NHSL3: variants seen among roughly 807,000 people sequenced by gnomAD.
NHSL3 encodes NHS-like protein 3.
chr1:32,771,870 G>A, the NHSL3 span: 1 of 1,596,106 alleles, frequency 6.3e-7, no homozygotes, highest in South Asian at 1.1e-5. Flanking sequence ...CTCCAGGAGG[G>A]GCTCCCACCC....
the NHSL3 span, among the ~76,000 whole-genome samples, chr1:32,762,341 C>T: frequency 2.6e-5 from 4 of 152,054 alleles, no homozygotes; most frequent in East Asian, 3.9e-4. Flanking sequence ...TCCTTAGGCA[C>T]GGCTGGTGGG....
At chr1:32,751,468 A>G in the NHSL3 span, among the ~76,000 whole-genome samples, 2 of 152,050 alleles carry the variant, frequency 1.3e-5, no homozygotes, top group African/African-American at 4.8e-5. Flanking sequence ...TCAGACAATC[A>G]CTGCTCTTCA....
chr1:32,762,978 AT>A, the NHSL3 span, among the ~76,000 whole-genome samples: 722 of 126,152 alleles, frequency 5.7e-3, 3 homozygotes, highest in Middle Eastern at 8.8e-3. Flanking sequence ...CTAGCCTGGA[AT>A]TTTTTTTTTT....
At chr1:32,770,916 G>A in the NHSL3 span, 24 of 1,610,838 alleles carry the variant, frequency 1.5e-5, no homozygotes, top group Middle Eastern at 5.0e-4. The surrounding 1 kb of genome is among the most constrained non-coding windows in gnomAD (Gnocchi z 8.3). Flanking sequence ...GGACACTTTC[G>A]CCCTCCAGTG....
chr1:32,769,936 GC>G, the NHSL3 span: 1 of 1,607,556 alleles, frequency 6.2e-7, no homozygotes. Flanking sequence ...TGCACGGGAT[GC>G]CGTACGCATC....
At chr1:32,742,940 T>G in the NHSL3 span, among the ~76,000 whole-genome samples, 2 of 152,078 alleles carry the variant, frequency 1.3e-5, no homozygotes, top group African/African-American at 4.8e-5. Flanking sequence ...GGTGGGTACT[T>G]AAAATTCAAC....
chr1:32,764,739 C>T, the NHSL3 span, among the ~76,000 whole-genome samples: 4 of 152,334 alleles, frequency 2.6e-5, no homozygotes, highest in South Asian at 8.3e-4. Flanking sequence ...TCCCAAAATG[C>T]TGGGATTACA....
At chr1:32,759,516 ACTGC>A in the NHSL3 span, among the ~76,000 whole-genome samples, 2 of 152,176 alleles carry the variant, frequency 1.3e-5, no homozygotes, top group Non-Finnish European at 2.9e-5. Flanking sequence ...TCCGTGCACT[ACTGC>A]CTGTTCCCCC....
At chr1:32,756,206 T>C in the NHSL3 span, among the ~76,000 whole-genome samples, 3 of 152,200 alleles carry the variant, frequency 2.0e-5, no homozygotes, top group Non-Finnish European at 4.4e-5. Context: ...AAAAGCCTTC[T>C]GGGTTGGGGT....
chr1:32,770,730 G>T, the NHSL3 span: 4 of 1,553,922 alleles, frequency 2.6e-6, no homozygotes, highest in Non-Finnish European at 3.5e-6. The surrounding 1 kb of genome is among the most constrained non-coding windows in gnomAD (Gnocchi z 8.3). Context: ...TGCCTGATGG[G>T]CCATTAGGGT....
At chr1:32,742,324 A>G in the NHSL3 span, 1 of 871,030 alleles carries the variant, frequency 1.1e-6, no homozygotes, top group Non-Finnish European at 1.5e-6. Flanking sequence ...CGAAGAGGCC[A>G]GGGCTGAGTC....
the NHSL3 span, chr1:32,770,099 G>T: frequency 6.4e-7 from 1 of 1,555,560 alleles, no homozygotes; most frequent in East Asian, 2.3e-5. The surrounding 1 kb of genome is among the most constrained non-coding windows in gnomAD (Gnocchi z 8.3). Context: ...ACCTTTGTTG[G>T]CCGGTCCACG....
the NHSL3 span, among the ~76,000 whole-genome samples, chr1:32,758,166 C>T: frequency 6.6e-6 from 1 of 152,164 alleles, no homozygotes; most frequent in East Asian, 1.9e-4. Flanking sequence ...CTCAGGGATC[C>T]ACCCAACTCT....
the NHSL3 span, among the ~76,000 whole-genome samples, chr1:32,756,836 G>A: frequency 6.6e-6 from 1 of 152,192 alleles, no homozygotes; most frequent in Admixed American, 6.5e-5. Flanking sequence ...AGGCGTGGTG[G>A]TGGGCACCTG....
At chr1:32,769,560 T>A in the NHSL3 span, 1 of 844,426 alleles carries the variant, frequency 1.2e-6, no homozygotes, top group Admixed American at 2.0e-5. Context: ...TGCCCATACC[T>A]ACTTGACTGT....
chr1:32,769,974 C>T, the NHSL3 span: 1 of 1,607,844 alleles, frequency 6.2e-7, no homozygotes, highest in South Asian at 1.1e-5. Context: ...GCCCCCGAGG[C>T]ACCTCAGGGA....
chr1:32,742,678 A>C, the NHSL3 span, among the ~76,000 whole-genome samples: 1 of 152,240 alleles, frequency 6.6e-6, no homozygotes. Flanking sequence ...AAAGGACCTC[A>C]CATGGAGCAC....
the NHSL3 span, chr1:32,770,383 C>T: frequency 4.4e-6 from 7 of 1,608,364 alleles, no homozygotes; most frequent in East Asian, 1.6e-4. The surrounding 1 kb of genome is among the most constrained non-coding windows in gnomAD (Gnocchi z 8.3). Context: ...CGTCTCCAGC[C>T]CACAGCCCCG....
the NHSL3 span, among the ~76,000 whole-genome samples, chr1:32,747,828 C>T: frequency 2.0e-5 from 3 of 151,884 alleles, no homozygotes; most frequent in African/African-American, 4.8e-5. Flanking sequence ...AAATTATGGC[C>T]GGACACAGTG....
Sources: gnomAD v4.1 joint callset for allele counts (sites outside exome capture counted in the v4.1 genomes callset) on GRCh38, gnomAD v4.1.1 for gene constraint, Gnocchi (gnomAD v3.1) non-coding constraint, MANE v1.5 for transcripts, NCBI Gene and HGNC (gene_info 2026-07-23, HGNC 2026-07-21) for gene names.